REDIC1: variants seen among roughly 807,000 people sequenced by gnomAD.
REDIC1 encodes regulator of DNA class I crossover intermediates 1.
the REDIC1 span, among the ~76,000 whole-genome samples, chr12:39,712,552 C>CATGTGTATATACGTATATACGT: frequency 7.2e-6 from 1 of 139,190 alleles, no homozygotes; most frequent in African/African-American, 2.7e-5. Context: ...ATATACACGA[C>CATGTGTATATACGTATATACGT]ATATGTGTAT....
the REDIC1 span, among the ~76,000 whole-genome samples, chr12:39,728,935 G>T: frequency 2.0e-5 from 3 of 152,098 alleles, no homozygotes; most frequent in South Asian, 6.2e-4. Context: ...AGATTTTCTA[G>T]TTATATCTGC....
chr12:39,629,809 T>C, the REDIC1 span, among the ~76,000 whole-genome samples: 1 of 152,188 alleles, frequency 6.6e-6, no homozygotes, highest in Non-Finnish European at 1.5e-5. Flanking sequence ...CAAACTACTG[T>C]CTCTTTGAGA....
chr12:39,682,969 AT>A, the REDIC1 span: 1 of 1,613,446 alleles, frequency 6.2e-7, no homozygotes, highest in Non-Finnish European at 8.5e-7. Flanking sequence ...CATTAGAAAC[AT>A]TTTTACAGTT....
the REDIC1 span, among the ~76,000 whole-genome samples, chr12:39,863,911 A>G: frequency 1.3e-5 from 2 of 152,200 alleles, no homozygotes; most frequent in African/African-American, 4.8e-5. Flanking sequence ...GGGTTGTATG[A>G]GTTAATAAAT....
At chr12:39,806,826 C>A in the REDIC1 span, among the ~76,000 whole-genome samples, 1 of 152,036 alleles carries the variant, frequency 6.6e-6, no homozygotes, top group African/African-American at 2.4e-5. Context: ...GGAAACAACC[C>A]ATGTCTTTAA....
chr12:39,809,059 T>C, the REDIC1 span, among the ~76,000 whole-genome samples: 1 of 152,274 alleles, frequency 6.6e-6, no homozygotes, highest in Admixed American at 6.5e-5. Context: ...ATTAGGTCTA[T>C]GATGTATATT....
chr12:39,645,123 G>A, the REDIC1 span, among the ~76,000 whole-genome samples: 5 of 152,106 alleles, frequency 3.3e-5, no homozygotes, highest in South Asian at 4.1e-4. Flanking sequence ...AGCACTTCTC[G>A]AATGAGGGTT....
At chr12:39,895,869 C>T in the REDIC1 span, among the ~76,000 whole-genome samples, 41 of 71,790 alleles carry the variant, frequency 5.7e-4, 1 homozygote, top group South Asian at 1.7e-3. Context: ...TGTATATGCA[C>T]ACACATATGT....
At chr12:39,758,688 C>T in the REDIC1 span, 1 of 151,870 alleles carries the variant, frequency 6.6e-6, no homozygotes, top group Admixed American at 6.6e-5. Context: ...TATAGACGTG[C>T]TATATTAGAA....
chr12:39,694,605 A>G, the REDIC1 span, among the ~76,000 whole-genome samples: 1 of 152,228 alleles, frequency 6.6e-6, no homozygotes, highest in African/African-American at 2.4e-5. Context: ...TTGAGTTTGC[A>G]TAAGCCCTCC....
chr12:39,832,097 C>A, the REDIC1 span, among the ~76,000 whole-genome samples: 17 of 152,172 alleles, frequency 1.1e-4, no homozygotes, highest in Admixed American at 9.2e-4. Flanking sequence ...AAAAGAGAGG[C>A]CATTCAAATG....
the REDIC1 span, among the ~76,000 whole-genome samples, chr12:39,820,523 G>A: frequency 1.3e-5 from 2 of 152,036 alleles, no homozygotes; most frequent in African/African-American, 4.8e-5. Flanking sequence ...AACTAGCACT[G>A]AAACCAAGAG....
At chr12:39,857,068 T>C in the REDIC1 span, among the ~76,000 whole-genome samples, 1 of 152,228 alleles carries the variant, frequency 6.6e-6, no homozygotes, top group Admixed American at 6.5e-5. Context: ...TTTCATGTGT[T>C]CACTGCAATG....
the REDIC1 span, among the ~76,000 whole-genome samples, chr12:39,659,832 AT>A: frequency 6.6e-6 from 1 of 151,914 alleles, no homozygotes; most frequent in African/African-American, 2.4e-5. Context: ...ATGAATTTTT[AT>A]TTTTATGGCT....
the REDIC1 span, among the ~76,000 whole-genome samples, chr12:39,813,985 G>T: frequency 1.8e-3 from 275 of 152,306 alleles, 2 homozygotes; most frequent in Non-Finnish European, 1.2e-3. Context: ...TCCAGTATGA[G>T]TGATTTCGTA....
At chr12:39,887,352 C>T in the REDIC1 span, among the ~76,000 whole-genome samples, 1 of 152,114 alleles carries the variant, frequency 6.6e-6, no homozygotes. Flanking sequence ...TACCCTGCCC[C>T]TTAAGGGGGA....
At chr12:39,696,999 A>C in the REDIC1 span, among the ~76,000 whole-genome samples, 1 of 152,214 alleles carries the variant, frequency 6.6e-6, no homozygotes, top group African/African-American at 2.4e-5. Context: ...AAACATATCA[A>C]TATCCAAGTA....
the REDIC1 span, among the ~76,000 whole-genome samples, chr12:39,731,135 C>T: frequency 6.6e-6 from 1 of 151,896 alleles, no homozygotes; most frequent in Non-Finnish European, 1.5e-5. Flanking sequence ...TTATTACCCA[C>T]CTTCTGAAGC....
the REDIC1 span, among the ~76,000 whole-genome samples, chr12:39,712,643 A>G: frequency 2.1e-5 from 3 of 145,382 alleles, no homozygotes; most frequent in African/African-American, 5.0e-5. Context: ...ATACACATTT[A>G]TATTTATGTA....
Sources: gnomAD v4.1 joint callset for allele counts (sites outside exome capture counted in the v4.1 genomes callset) on GRCh38, gnomAD v4.1.1 for gene constraint, MANE v1.5 for transcripts, NCBI Gene and HGNC (gene_info 2026-07-23, HGNC 2026-07-21) for gene names.